The following MS4A6E variants were observed in gnomAD, a reference collection of about 807,000 sequenced individuals.
The protein encoded by MS4A6E is membrane-spanning 4-domains subfamily A member 6E.
MS4A6E carries 8 observed loss-of-function variants against 13.2 expected under a neutral mutation model. That is an observed-to-expected ratio of 0.60 (90% CI 0.35 to 1.09). The LOEUF (loss-of-function observed/expected upper bound fraction) is 1.09. Among genes scored for constraint, MS4A6E ranks in the 50% least tolerant of loss-of-function variants. The pLI is 0.02. For synonymous variants in MS4A6E, 72 were observed against 67.6 expected, an observed-to-expected ratio of 1.06 and a Z score of -0.32; for missense variants, 177 against 171.1, an observed-to-expected ratio of 1.03 and a Z score of -0.19.
chr11:60,344,594 G>C (rs936773768), downstream of MS4A6E, among the ~76,000 whole-genome samples: 2 of 152,218 alleles, frequency 1.3e-5, no homozygotes, highest in African/African-American at 4.8e-5. Context: ...GGCAAGTAGA[G>C]TTTGCCATCC....
chr11:60,337,921 T>G lies in MS4A6E; in HGVS notation c.328T>G (p.Cys110Gly). Residue 110 changes from cysteine (C) to glycine (G), a missense_variant, in exon 3 of 5, where the codon TGC (cysteine) becomes GGC (glycine). Physicochemically the swap from Cys to Gly is radical, Grantham distance 159 (BLOSUM62 -3). Coordinates refer to ENST00000684409, the MANE Select transcript of MS4A6E (RefSeq NM_139249.4). ...TTATCATTCACCTTACACCATGGAC[T>G]GCCATAGAGCCAAAGCCAGTCTGGC... ...YDYHSPYTMD[C>G]HRAKASLAGT... 6.2e-7 allele frequency: 1 copy of G among 1,614,228 alleles called. No individual in the cohort carries two copies. The highest frequency in any genetic ancestry group is 8.5e-7 in the Non-Finnish European group (1 of 1,180,036).
intron 3 of MS4A6E, among the ~76,000 whole-genome samples, chr11:60,339,506 A>G (rs537996375): frequency 5.9e-5 from 9 of 152,316 alleles, no homozygotes; most frequent in East Asian, 1.9e-4. Context: ...AGCAGTAAAG[A>G]TGAGACTATA....
intron 4 of MS4A6E, among the ~76,000 whole-genome samples, chr11:60,340,287 G>A (rs908207520): frequency 6.6e-6 from 1 of 152,184 alleles, no homozygotes; most frequent in Non-Finnish European, 1.5e-5. Context: ...TACCTGTGCT[G>A]AGGACGCTAG....
Position 60,341,186 on chromosome 11 carries a change from CT to C in MS4A6E, c.*421del, listed in dbSNP as rs1425726559. Among the ~76,000 whole-genome samples the C allele has an allele frequency of 6.6e-6, 1 of 152,156 alleles. No homozygotes were observed. The highest frequency in any genetic ancestry group is 1.9e-4 in the East Asian group (1 of 5,196). ...CTCCTCAATTGTGAACAGGAGTTAA[CT>C]GATTTGCTGTGGTGCGCAGACTCTT... is the stretch of plus-strand genomic sequence containing the variant. On this transcript the variant is annotated 3_prime_UTR_variant, in exon 5 of 5. Coordinates refer to ENST00000684409, the MANE Select transcript of MS4A6E (RefSeq NM_139249.4).
chr11:60,338,956 A>G (rs543877612), intron 3 of MS4A6E, among the ~76,000 whole-genome samples: 15 of 152,328 alleles, frequency 9.8e-5, no homozygotes, highest in African/African-American at 2.6e-4. Context: ...GAAATTTGGG[A>G]GAAATTTGGT....
intron 2 of MS4A6E, 47 bp from the exon 3 acceptor site, chr11:60,337,694 A>C: frequency 6.2e-7 from 1 of 1,607,964 alleles, no homozygotes; most frequent in Non-Finnish European, 8.5e-7. Context: ...GATAAGAGAG[A>C]TTCGTGGCCC....
At position 60,337,817 on chromosome 11, in the gene MS4A6E, C is replaced by T. The variant is rs375301198; in HGVS notation, c.224C>T (p.Pro75Leu). The T allele has an allele frequency of 1.0e-4, 161 of 1,614,042 alleles. 1 individual carries two copies. The highest frequency in any genetic ancestry group is 2.2e-4 in the South Asian group (20 of 91,082). Reference protein sequence around the residue: ...LVGFILLSVNPAALNPASLQC... With the variant: ...LVGFILLSVNLAALNPASLQC... ...GGTTTCATTCTCCTGTCTGTCAACCCGGCTGCATTAAATCCTGCCTCATTG... is the reference window on the plus strand; with the variant it reads ...GGTTTCATTCTCCTGTCTGTCAACCTGGCTGCATTAAATCCTGCCTCATTG... The change falls in exon 3 of 5, where the codon CCG becomes CTG. Residue 75 changes from proline to leucine, a missense_variant. Pro to Leu is a moderately conservative substitution (Grantham distance 98, BLOSUM62 -3). Transcript: ENST00000684409.
intron 1 of MS4A6E, among the ~76,000 whole-genome samples, chr11:60,332,397 G>C (rs188761023): frequency 7.2e-5 from 11 of 152,180 alleles, no homozygotes; most frequent in African/African-American, 2.4e-4. Context: ...CATTATTCAT[G>C]AGGAAGTTAG....
downstream of MS4A6E, among the ~76,000 whole-genome samples, chr11:60,342,181 G>T (rs1427559165): frequency 1.7e-4 from 3 of 17,340 alleles, no homozygotes; most frequent in African/African-American, 4.2e-4. Context: ...GTGTGTGTGA[G>T]AGAGAGAGAG....
rs547714253 is a variant in MS4A6E at position 60,331,916 on chromosome 11, T to C, written c.-14-2966T>C. ...GACACAGCAAGAAGACAGACATCCTTGAACCAGAAAGTTGGCCTTCATCAC... is the reference window on the plus strand; with the variant it reads ...GACACAGCAAGAAGACAGACATCCTCGAACCAGAAAGTTGGCCTTCATCAC... On this transcript the variant is annotated intron_variant, in intron 1 of 4. Transcript: ENST00000684409. Among the ~76,000 whole-genome samples the C allele has an allele frequency of 1.1e-3, 172 of 152,302 alleles. 1 individual carries two copies. The highest frequency in any genetic ancestry group is 1.9e-3 in the Non-Finnish European group (131 of 68,010).
intron 4 of MS4A6E, among the ~76,000 whole-genome samples, chr11:60,346,800 A>G (rs1329312009): frequency 1.3e-5 from 2 of 152,078 alleles, no homozygotes; most frequent in African/African-American, 2.4e-5. Flanking sequence ...TTTTCAGTCT[A>G]CTATAAAAAA....
At chr11:60,343,934 G>A (rs1565157927), downstream of MS4A6E, among the ~76,000 whole-genome samples, 1 of 152,090 alleles carries the variant, frequency 6.6e-6, no homozygotes, top group African/African-American at 2.4e-5. Context: ...GCCCTTCCCA[G>A]CTTGGGGTCA....
chr11:60,332,351 T>C (rs1268147087), intron 1 of MS4A6E, among the ~76,000 whole-genome samples: 2 of 152,216 alleles, frequency 1.3e-5, no homozygotes, highest in Non-Finnish European at 1.5e-5. Context: ...TGTAGTAAAC[T>C]CTTAGATAAA....
downstream of MS4A6E, among the ~76,000 whole-genome samples, chr11:60,343,163 G>T (rs1005823697): frequency 2.6e-5 from 4 of 152,100 alleles, no homozygotes; most frequent in African/African-American, 9.7e-5. Context: ...TTACAAGAAG[G>T]TTTAGAATAC....
At chr11:60,346,640 C>T (rs924290064) in intron 4 of MS4A6E, among the ~76,000 whole-genome samples, 10 of 152,120 alleles carry the variant, frequency 6.6e-5, no homozygotes, top group African/African-American at 9.7e-5. Flanking sequence ...TCTTTGTAGG[C>T]CCTCTAATAT....
At chr11:60,328,229 G>A (rs1242647907) in intron 1 of MS4A6E, among the ~76,000 whole-genome samples, 1 of 152,028 alleles carries the variant, frequency 6.6e-6, no homozygotes, top group Non-Finnish European at 1.5e-5. Context: ...TACGGGAAGA[G>A]AGAAATGAAT....
chr11:60,345,719 C>G (rs1456828760), downstream of MS4A6E, among the ~76,000 whole-genome samples: 2 of 152,186 alleles, frequency 1.3e-5, no homozygotes, highest in Non-Finnish European at 2.9e-5. Context: ...AAAGGCTCCC[C>G]CTAGAGGACA....
chr11:60,331,826 A>C (rs1280226454), intron 1 of MS4A6E, among the ~76,000 whole-genome samples: 2 of 152,184 alleles, frequency 1.3e-5, no homozygotes, highest in African/African-American at 4.8e-5. Context: ...AGTCCTCATG[A>C]ATGGGATTGG....
chr11:60,347,888 G>C (rs2085263156), intron 4 of MS4A6E, among the ~76,000 whole-genome samples: 1 of 152,140 alleles, frequency 6.6e-6, no homozygotes, highest in African/African-American at 2.4e-5. Context: ...CTTGGGAAAG[G>C]CTATGTAATA....
Sources: allele counts gnomAD v4.1 joint callset (sites outside exome capture counted in the v4.1 genomes callset), GRCh38; gene constraint gnomAD v4.1.1; transcripts MANE v1.5; gene names NCBI Gene and HGNC (gene_info 2026-07-23, HGNC 2026-07-21).